PHACTR2: variants seen among roughly 807,000 people sequenced by gnomAD.
PHACTR2 encodes the protein chromosome 6 open reading frame 56.
In PHACTR2, 30 loss-of-function variants were observed where a neutral mutation model predicts 76.0. The ratio of observed to expected loss-of-function variants is 0.39; its 90% CI spans 0.30 to 0.54. PHACTR2 has a LOEUF of 0.54. Ranked by LOEUF, PHACTR2 falls within the 20% of genes least tolerant of loss-of-function variation. The pLI, the probability that PHACTR2 is intolerant of heterozygous loss-of-function variation, is 0.61. For missense variants in PHACTR2, 696 were observed against 781.1 expected, an observed-to-expected ratio of 0.89 and a Z score of 1.30; for synonymous variants, 292 against 292.5, an observed-to-expected ratio of 1.00 and a Z score of 0.02.
Position 143,761,614 on chromosome 6 carries a change from C to T in PHACTR2, c.694+974C>T, listed in dbSNP as rs766496123. On this transcript the variant is annotated intron_variant, in intron 5 of 12. Transcript: ENST00000440869. The surrounding 1 kb of genome is among the most constrained non-coding windows in gnomAD (Gnocchi z 5.2). Reference sequence around the variant, plus strand: ...GCTAAAAATACAAGAATTAGCCAGGCGTCGTGGCGTGCACCTCTAATCCCA... The same window carrying T: ...GCTAAAAATACAAGAATTAGCCAGGTGTCGTGGCGTGCACCTCTAATCCCA... Among the ~76,000 whole-genome samples, 68 of 152,134 alleles carry T rather than the reference C, an allele frequency of 4.5e-4. 1 individual carries two copies. The Middle Eastern group carries it at 0.014, about 30-fold the overall frequency.
At chr6:143,574,361 T>C (rs541218938) in intron 1 of PHACTR2, among the ~76,000 whole-genome samples, 3 of 152,136 alleles carry the variant, frequency 2.0e-5, no homozygotes, top group Admixed American at 6.5e-5. Flanking sequence ...CAAGTTTCAT[T>C]TACACTCAAG....
intron 11 of PHACTR2, among the ~76,000 whole-genome samples, chr6:143,802,665 T>G (rs1023602920): frequency 1.3e-3 from 111 of 83,632 alleles, no homozygotes; most frequent in African/African-American, 4.4e-3. Context: ...AAAAAAAAAA[T>G]CAGTCCTAAT....
intron 1 of PHACTR2, among the ~76,000 whole-genome samples, chr6:143,579,566 C>T (rs921127487): frequency 1.2e-4 from 18 of 151,968 alleles, no homozygotes; most frequent in African/African-American, 4.3e-4. Flanking sequence ...GATGAAAGAG[C>T]CCAAGGAACC....
chr6:143,741,100 T>C (rs1778931558), intron 2 of PHACTR2, among the ~76,000 whole-genome samples: 2 of 149,406 alleles, frequency 1.3e-5, no homozygotes, highest in Admixed American at 1.3e-4. Flanking sequence ...ATGCAAAAAT[T>C]AGCCGGGCAT....
In PHACTR2 at chr6:143,692,284, T is replaced by G. The variant is rs150198129; in HGVS notation, c.46+14075T>G. On this transcript the variant is annotated intron_variant, in intron 1 of 12. Coordinates refer to ENST00000440869, the MANE Select transcript of PHACTR2 (RefSeq NM_001100164.2). ...AAAGGGATTTTGTGTTTTTCAAAAT[T>G]TCTTCTGCATCTGTAAAGTTAGCTT... Among the ~76,000 whole-genome samples, 508 of 152,308 alleles carry G rather than the reference T, an allele frequency of 3.3e-3. 14 individuals carry two copies. The East Asian group carries it at 0.055, about 17-fold the overall frequency.
In PHACTR2 at chr6:143,774,173, A is replaced by G. The variant is rs1775221447; in HGVS notation, c.1547A>G (p.Glu516Gly). ...ATCTTGCAGCGTACATCTGAAGAAG[A>G]GAGGCAGGAAATCCGACAACAAATT... is the stretch of plus-strand genomic sequence containing the variant. ...KNILQRTSEE[E>G]RQEIRQQIGT... The change falls in exon 8 of 13, where the codon GAG becomes GGG. Residue 516 changes from glutamate to glycine, a missense_variant. This residue lies in a region of PHACTR2 where 236 missense variants were observed against 330.2 expected (regional missense o/e 0.71). Coordinates refer to ENST00000440869, the MANE Select transcript of PHACTR2 (RefSeq NM_001100164.2). This position sits in a 1 kb window ranked among gnomAD's most constrained non-coding sequence, Gnocchi z 5.4. 2 of 1,614,186 alleles carry G rather than the reference A, an allele frequency of 1.2e-6. No individual in the cohort carries two copies. Among genetic ancestry groups the G allele is most frequent in the African/African-American group, 1.3e-5 (1 of 75,080 alleles).
At chr6:143,771,187 T>C (rs1272964802) in intron 6 of PHACTR2, among the ~76,000 whole-genome samples, 19 of 34,808 alleles carry the variant, frequency 5.5e-4, no homozygotes, top group African/African-American at 3.5e-3. Context: ...TATATATATA[T>C]ATGTGTGTAT....
At chr6:143,545,756 CAG>C (rs1425149961) in intron 1 of PHACTR2, among the ~76,000 whole-genome samples, 1 of 152,206 alleles carries the variant, frequency 6.6e-6, no homozygotes, top group Non-Finnish European at 1.5e-5. Context: ...TCTCCACCAA[CAG>C]AGGGAAAATC....
Position 143,557,590 on chromosome 6 carries a change from G to A in PHACTR2, c.217+20383G>A, listed in dbSNP as rs561442166. On this transcript the variant is annotated intron_variant, in intron 1 of 11. Transcript: ENST00000367584. This position sits in a 1 kb window ranked among gnomAD's most constrained non-coding sequence, Gnocchi z 5.5. ...GGTCTCGATTTTTCGAGAACTGACCGGACCATGTGGACCTGGTCCAGCTCT... is the reference window on the plus strand; with the variant it reads ...GGTCTCGATTTTTCGAGAACTGACCAGACCATGTGGACCTGGTCCAGCTCT... The A allele has an allele frequency of 4.6e-5, 7 of 152,166 alleles. No individual in the cohort carries two copies. The highest frequency in any genetic ancestry group is 9.7e-5 in the African/African-American group (4 of 41,400). The allele number at this position is 152,166 out of a possible 1,614,324, so 9.4% of individuals were successfully genotyped here.
At chr6:143,586,201 T>G (rs922574731) in intron 1 of PHACTR2, among the ~76,000 whole-genome samples, 4 of 138,842 alleles carry the variant, frequency 2.9e-5, no homozygotes, top group Admixed American at 2.1e-4. Flanking sequence ...TGGCTGCAAG[T>G]GTAGAAAAAG....
chr6:143,686,376 A>G (rs13194278), intron 1 of PHACTR2, among the ~76,000 whole-genome samples: 41,987 of 151,926 alleles, frequency 0.28, 5,913 homozygotes, highest in Middle Eastern at 0.4. Context: ...ATGATAAATA[A>G]CATCAACATG....
intron 1 of PHACTR2, among the ~76,000 whole-genome samples, chr6:143,668,004 T>C (rs1383179624): frequency 6.6e-6 from 1 of 152,258 alleles, no homozygotes; most frequent in Non-Finnish European, 1.5e-5. Context: ...CAGTATGCTA[T>C]TGGCTGTGGG....
At position 143,706,906 on chromosome 6, in the gene PHACTR2, A is replaced by T. The variant is rs113172023; in HGVS notation, c.47-5110A>T. On this transcript the variant is annotated intron_variant, in intron 1 of 12. Transcript: ENST00000440869. ...CAGTTCACCCTAACCAGTAGTGGGT[A>T]GCTTCTGTGCCCAGATGTTGTACAT... Among the ~76,000 whole-genome samples the T allele has an allele frequency of 1.5e-3, 223 of 152,328 alleles. 1 individual carries two copies. The highest frequency in any genetic ancestry group is 4.9e-3 in the African/African-American group (205 of 41,570).
intron 9 of PHACTR2, among the ~76,000 whole-genome samples, chr6:143,778,030 G>T (rs996013231): frequency 6.6e-6 from 1 of 152,166 alleles, no homozygotes; most frequent in Admixed American, 6.5e-5. Flanking sequence ...AAGCTATAAA[G>T]CTAATAGAAA....
rs531167796 is a variant in PHACTR2 at position 143,631,300 on chromosome 6, C to G, written c.13+22978C>G. ...CAACCTCCTGGGCTCAAGCGATCCTCCTGCCTCAGCCTCCCTAGTAGCTAG... is the reference window on the plus strand; with the variant it reads ...CAACCTCCTGGGCTCAAGCGATCCTGCTGCCTCAGCCTCCCTAGTAGCTAG... On this transcript the variant is annotated intron_variant, in intron 1 of 11. Transcript: ENST00000305766. 5.3e-5 allele frequency among the ~76,000 whole-genome samples: 8 copies of G among 152,300 alleles called. No homozygotes were observed. In the South Asian group the frequency reaches 1.7e-3, roughly 32 times the overall value.
At chr6:143,642,501 G>A (rs1364470560) in intron 1 of PHACTR2, among the ~76,000 whole-genome samples, 1 of 152,190 alleles carries the variant, frequency 6.6e-6, no homozygotes, top group East Asian at 1.9e-4. Flanking sequence ...GTTTGATTGT[G>A]TTATGGATTG....
Position 143,627,659 on chromosome 6 carries a change from T to C in PHACTR2, c.13+19337T>C, listed in dbSNP as rs1776283384. Among the ~76,000 whole-genome samples the C allele has an allele frequency of 6.6e-6, 1 of 150,688 alleles. No individual in the cohort carries two copies. The highest frequency in any genetic ancestry group is 2.4e-5 in the African/African-American group (1 of 41,042). On this transcript the variant is annotated intron_variant, in intron 1 of 11. Coordinates refer to the PHACTR2 transcript ENST00000305766. This position sits in a 1 kb window ranked among gnomAD's most constrained non-coding sequence, Gnocchi z 4.3. ...CTCTGTCACCCAGGCTGGAATGCAG[T>C]GGCACGATCTCGGCTCACTGCAACC...
At chr6:143,701,822 A>T (rs1236809717) in intron 1 of PHACTR2, among the ~76,000 whole-genome samples, 3 of 152,254 alleles carry the variant, frequency 2.0e-5, no homozygotes, top group Non-Finnish European at 1.5e-5. Context: ...GCATAATAAA[A>T]TATCAAGTAA....
At chr6:143,725,829 A>AG (rs1425036064) in intron 2 of PHACTR2, among the ~76,000 whole-genome samples, 1 of 152,110 alleles carries the variant, frequency 6.6e-6, no homozygotes, top group Non-Finnish European at 1.5e-5. Context: ...TCAAAAAAAA[A>AG]AAAAAAAGAA....
Sources: allele counts gnomAD v4.1 joint callset (sites outside exome capture counted in the v4.1 genomes callset), GRCh38; gene constraint gnomAD v4.1.1; regional missense constraint gnomAD v4.1.1; non-coding constraint Gnocchi (gnomAD v3.1); transcripts MANE v1.5; gene names NCBI Gene and HGNC (gene_info 2026-07-23, HGNC 2026-07-21).